The following AP4E1 variants were observed in gnomAD, a reference collection of about 807,000 sequenced individuals.
AP4E1 encodes adaptor related protein complex 4 subunit epsilon 1, also known as AP-4 complex subunit epsilon-1.
Under a neutral mutation model 128.2 loss-of-function variants are expected in AP4E1, and 56 were observed. The observed-to-expected ratio is 0.44, with a 90% confidence interval of 0.35 to 0.55. AP4E1 has a LOEUF of 0.55. Ranked by LOEUF, AP4E1 falls within the 20% of genes least tolerant of loss-of-function variation. The pLI is 0.00. For missense variants in AP4E1, 1,324 were observed against 1,307.7 expected, an observed-to-expected ratio of 1.01 and a Z score of -0.19; for synonymous variants, 484 against 473.1, an observed-to-expected ratio of 1.02 and a Z score of -0.30.
intron 16 of AP4E1, among the ~76,000 whole-genome samples, chr15:50,990,775 TAAG>T (rs1485013901): frequency 6.6e-5 from 10 of 152,148 alleles, no homozygotes; most frequent in Non-Finnish European, 1.5e-4. Flanking sequence ...AATAAGAAAA[TAAG>T]AAAAATCTTT....
intron 13 of AP4E1, among the ~76,000 whole-genome samples, chr15:50,951,827 A>G (rs1032609936): frequency 6.6e-6 from 1 of 150,884 alleles, no homozygotes; most frequent in African/African-American, 2.4e-5. Context: ...CCTGGGTTCA[A>G]GCAATTCTCC....
chr15:50,945,500 A>T, intron 10 of AP4E1: 1 of 755,956 alleles, frequency 1.3e-6, no homozygotes, highest in East Asian at 2.4e-5. Flanking sequence ...TTCCATATGG[A>T]TCATGTATCT....
upstream of AP4E1, chr15:50,908,500 T>C (rs2063522041): frequency 8.2e-6 from 3 of 366,762 alleles, 1 homozygote; most frequent in Non-Finnish European, 1.4e-5. Flanking sequence ...GACTCACGGT[T>C]CTGGGGGATT....
At chr15:50,992,663 A>G (rs1259718284) in intron 16 of AP4E1, among the ~76,000 whole-genome samples, 1 of 152,174 alleles carries the variant, frequency 6.6e-6, no homozygotes, top group Non-Finnish European at 1.5e-5. Context: ...TTTTCAACTC[A>G]GGTGTAAAAA....
At position 51,005,368 on chromosome 15, in the gene AP4E1, A is replaced by T. The variant is rs1567272114; in HGVS notation, c.*2706A>T. ...AATCTGGGGGAATATAAGGGAAGAC[A>T]GAAAAGCCTTAAGAGTAGACGGAGG... On this transcript the variant is annotated 3_prime_UTR_variant, in exon 21 of 21. Transcript: ENST00000261842. 1 of 152,836 alleles carries T rather than the reference A, an allele frequency of 6.5e-6. No individual in the cohort carries two copies. Among genetic ancestry groups the T allele is most frequent in the Non-Finnish European group, 1.5e-5 (1 of 68,142 alleles). The allele number at this position is 152,836 out of a possible 1,614,324, so 9.5% of individuals were successfully genotyped here.
chr15:50,915,892 C>CT (rs2063625013), intron 3 of AP4E1: 4 of 252,944 alleles, frequency 1.6e-5, no homozygotes, highest in Non-Finnish European at 3.1e-5. Context: ...ATAAAGCTGA[C>CT]TTTTTTGTAT....
chr15:50,958,615 G>C lies in AP4E1; in HGVS notation c.1672G>C (p.Val558Leu), dbSNP rs2064265988. Residue 558 changes from valine (V) to leucine (L), a missense_variant, in exon 14 of 21, where the codon GTG becomes CTG. Physicochemically the swap from Val to Leu is conservative, Grantham distance 32. Coordinates refer to ENST00000261842, the MANE Select transcript of AP4E1 (RefSeq NM_007347.5). Reference sequence around the variant, plus strand: ...AACAAAAGCCTGGTTAATTGCTGCTGTGACCAAATTGACATCTCAGGCGCA... The same window carrying C: ...AACAAAAGCCTGGTTAATTGCTGCTCTGACCAAATTGACATCTCAGGCGCA... ...SETKAWLIAA[V>L]TKLTSQAHSS... is the part of the protein sequence containing the mutation. 2 of 1,614,158 alleles carry C rather than the reference G, an allele frequency of 1.2e-6. No individual in the cohort carries two copies. The highest frequency in any genetic ancestry group is 1.7e-6 in the Non-Finnish European group (2 of 1,180,012).
chr15:50,967,572 T>C (rs1273230164), intron 14 of AP4E1, among the ~76,000 whole-genome samples: 1 of 152,196 alleles, frequency 6.6e-6, no homozygotes, highest in Admixed American at 6.5e-5. Flanking sequence ...ACAGTTACCA[T>C]ATCTTGTAGT....
intron 8 of AP4E1, 49 bp from the exon 9 acceptor site, chr15:50,941,393 T>C (rs1263315184): frequency 1.3e-6 from 2 of 1,592,174 alleles, no homozygotes; most frequent in Non-Finnish European, 1.7e-6. Flanking sequence ...ATACATTGTT[T>C]TGTTATACCT....
At chr15:50,947,438 G>A (rs2064077489) in intron 10 of AP4E1, among the ~76,000 whole-genome samples, 2 of 148,532 alleles carry the variant, frequency 1.3e-5, no homozygotes, top group African/African-American at 4.9e-5. Context: ...AAAAAAAGTA[G>A]CTATAAAACA....
Position 51,001,106 on chromosome 15 carries a change from C to G in AP4E1, c.3176C>G (p.Ser1059Ter), listed in dbSNP as rs1363092166. Reference protein sequence around the residue: ...ANDVKQNVKMSESQAALPSAL... With the variant: ...ANDVKQNVKM ...GATGTGAAACAAAATGTAAAAATGT[C>G]AGAATCTCAAGCTGCACTTCCTTCT... Residue 1059 changes from serine (S) to a stop codon, truncating the protein, a stop_gained, in exon 20 of 21, where the codon TCA (serine) becomes TGA (stop). Coordinates refer to ENST00000261842, the MANE Select transcript of AP4E1 (RefSeq NM_007347.5). LOFTEE classifies it high-confidence loss of function. The G allele has an allele frequency of 6.2e-7, 1 of 1,613,546 alleles. No homozygotes were observed. Among genetic ancestry groups the G allele is most frequent in the Admixed American group, 1.7e-5 (1 of 60,002 alleles).
At chr15:50,911,544 A>G (rs1245663405) in intron 1 of AP4E1, among the ~76,000 whole-genome samples, 1 of 144,088 alleles carries the variant, frequency 6.9e-6, no homozygotes, top group East Asian at 2.0e-4. Context: ...GTGCAGTGGT[A>G]CGATCTCGGC....
chr15:50,988,405 T>G (rs1595575663), intron 16 of AP4E1, among the ~76,000 whole-genome samples: 1 of 50,038 alleles, frequency 2.0e-5, no homozygotes, highest in Admixed American at 1.7e-4. Context: ...ACCTCTGCCT[T>G]CTGGGCTCAG....
intron 17 of AP4E1, among the ~76,000 whole-genome samples, chr15:50,995,112 A>G (rs1169140926): frequency 1.3e-5 from 2 of 152,096 alleles, no homozygotes; most frequent in African/African-American, 4.8e-5. Flanking sequence ...CTCAGCCCCG[A>G]CCCTTCCTCT....
intron 18 of AP4E1, among the ~76,000 whole-genome samples, chr15:50,998,805 A>T (rs1381891330): frequency 1.3e-5 from 2 of 152,140 alleles, no homozygotes; most frequent in Non-Finnish European, 2.9e-5. Context: ...TATCTTTAAA[A>T]ACCCAGGACC....
chr15:50,964,323 C>T (rs950519449), intron 14 of AP4E1, among the ~76,000 whole-genome samples: 1 of 151,902 alleles, frequency 6.6e-6, no homozygotes, highest in Non-Finnish European at 1.5e-5. Flanking sequence ...CTGTTTGTTT[C>T]TTATTTATGA....
At chr15:50,923,474 A>T (rs537965862) in intron 3 of AP4E1, among the ~76,000 whole-genome samples, 1 of 152,288 alleles carries the variant, frequency 6.6e-6, no homozygotes. Flanking sequence ...GTGCGTTGAC[A>T]TTAGGTGGCT....
intron 18 of AP4E1, among the ~76,000 whole-genome samples, chr15:50,998,629 CA>C (rs138680381): frequency 1.3e-5 from 2 of 149,460 alleles, no homozygotes; most frequent in Admixed American, 1.3e-4. Flanking sequence ...GACTCCATCT[CA>C]AAAAAAAAGA....
intron 1 of AP4E1, among the ~76,000 whole-genome samples, chr15:50,911,537 C>CA (rs1216385875): frequency 2.1e-4 from 31 of 144,470 alleles, no homozygotes; most frequent in African/African-American, 7.3e-4. Context: ...GGCTGGAGTG[C>CA]AGTGGTACGA....
Sources: allele counts gnomAD v4.1 joint callset (sites outside exome capture counted in the v4.1 genomes callset), GRCh38; gene constraint gnomAD v4.1.1; transcripts MANE v1.5; gene names NCBI Gene and HGNC (gene_info 2026-07-23, HGNC 2026-07-21).